MTUS2: variants seen among roughly 807,000 people sequenced by gnomAD.
The protein encoded by MTUS2 is microtubule-associated tumor suppressor candidate 2.
In MTUS2, 40 loss-of-function variants were observed where a neutral mutation model predicts 114.1. That is an observed-to-expected ratio of 0.35 (90% confidence interval 0.27 to 0.46). The LOEUF (loss-of-function observed/expected upper bound fraction) is 0.46. MTUS2 is among the 20% of genes least tolerant of loss of function. MTUS2 has a pLI of 1.00. For synonymous variants in MTUS2, 688 were observed against 672.0 expected, an observed-to-expected ratio of 1.02 and a Z score of -0.37; for missense variants, 1,679 against 1,705.4, an observed-to-expected ratio of 0.98 and a Z score of 0.27.
At chr13:29,466,594 C>T (rs961053784) in intron 9 of MTUS2, among the ~76,000 whole-genome samples, 2 of 152,154 alleles carry the variant, frequency 1.3e-5, no homozygotes. Context: ...GACAATCATA[C>T]GGCCAGGTGT....
At chr13:29,348,529 A>G (rs918412356) in intron 7 of MTUS2, among the ~76,000 whole-genome samples, 3 of 152,002 alleles carry the variant, frequency 2.0e-5, no homozygotes, top group Non-Finnish European at 4.4e-5. Context: ...AACAGTGTCT[A>G]CTCTGCTGTT....
At chr13:29,093,487 A>C (rs1411883605) in intron 4 of MTUS2, among the ~76,000 whole-genome samples, 1 of 152,182 alleles carries the variant, frequency 6.6e-6, no homozygotes, top group Non-Finnish European at 1.5e-5. Flanking sequence ...CGTTTATGAT[A>C]ATTCCTAAGT....
At chr13:29,131,337 A>C (rs1193502434) in intron 5 of MTUS2, among the ~76,000 whole-genome samples, 1 of 152,262 alleles carries the variant, frequency 6.6e-6, no homozygotes, top group African/African-American at 2.4e-5. Context: ...TACTGACTCA[A>C]AAGCTGATTG....
chr13:28,891,794 CT>C (rs1185992917), intron 2 of MTUS2, among the ~76,000 whole-genome samples: 5 of 138,630 alleles, frequency 3.6e-5, no homozygotes, highest in Admixed American at 3.3e-4. Context: ...AGGAGAGTCG[CT>C]TGAACCAGGG....
chr13:29,089,433 G>A (rs1889841237), intron 4 of MTUS2, among the ~76,000 whole-genome samples: 1 of 152,108 alleles, frequency 6.6e-6, no homozygotes, highest in African/African-American at 2.4e-5. Flanking sequence ...TATGTGCTTT[G>A]AGAAAGGTCA....
intron 5 of MTUS2, among the ~76,000 whole-genome samples, chr13:29,160,272 C>G (rs529392873): frequency 3.3e-5 from 5 of 152,328 alleles, no homozygotes; most frequent in African/African-American, 1.2e-4. Context: ...GACTACAATA[C>G]CAACTCTCCT....
chr13:29,299,912 A>G (rs948089802), intron 6 of MTUS2, among the ~76,000 whole-genome samples: 1 of 152,122 alleles, frequency 6.6e-6, no homozygotes, highest in African/African-American at 2.4e-5. Context: ...ATTAGTCTCT[A>G]ATTTTACTGG....
Position 29,094,033 on chromosome 13 carries a change from G to A in MTUS2, c.2447-6740G>A, listed in dbSNP as rs1010301025. ...ATGGATTAATTATGTATGTAAAACC[G>A]ATCTTGCATTCCTAGCATAAATATC... is the stretch of plus-strand genomic sequence containing the variant. On this transcript the variant is annotated intron_variant, in intron 4 of 15. Transcript: ENST00000612955. 3.3e-5 allele frequency among the ~76,000 whole-genome samples: 5 copies of A among 152,022 alleles called. No individual in the cohort carries two copies. The East Asian group carries it at 5.8e-4, about 18-fold the overall frequency.
chr13:29,326,739 G>A (rs1900533317), intron 7 of MTUS2, among the ~76,000 whole-genome samples: 1 of 152,148 alleles, frequency 6.6e-6, no homozygotes, highest in Non-Finnish European at 1.5e-5. Flanking sequence ...CCAGCACTTT[G>A]GGAGGCTGAG....
At chr13:29,350,931 A>G (rs1038844644) in intron 7 of MTUS2, among the ~76,000 whole-genome samples, 2 of 140,614 alleles carry the variant, frequency 1.4e-5, no homozygotes, top group African/African-American at 5.1e-5. Context: ...AGATGTCATC[A>G]CATTAGGAAT....
intron 9 of MTUS2, among the ~76,000 whole-genome samples, chr13:29,452,968 A>T (rs1878837063): frequency 6.6e-6 from 1 of 152,204 alleles, no homozygotes; most frequent in Admixed American, 6.5e-5. Flanking sequence ...TGATCCTGAC[A>T]ACAACAGTAG....
At chr13:29,082,096 G>C (rs1371178321) in intron 4 of MTUS2, among the ~76,000 whole-genome samples, 1 of 152,186 alleles carries the variant, frequency 6.6e-6, no homozygotes, top group African/African-American at 2.4e-5. Flanking sequence ...ATGAGGTCAT[G>C]AGGATGAAGC....
At chr13:28,845,221 G>T (rs1399224108) in intron 2 of MTUS2, among the ~76,000 whole-genome samples, 1 of 152,150 alleles carries the variant, frequency 6.6e-6, no homozygotes, top group Non-Finnish European at 1.5e-5. Context: ...AAGCACTGGG[G>T]TAACAGGCGT....
At position 29,163,921 on chromosome 13, in the gene MTUS2, G is replaced by A. The variant is rs530275339; in HGVS notation, c.2644+62951G>A. ...GAGCCCTGATGCCCTAACAGGGTGCGGACCCCTTTGCTTGACCTTGCTTGC... is the reference window on the plus strand; with the variant it reads ...GAGCCCTGATGCCCTAACAGGGTGCAGACCCCTTTGCTTGACCTTGCTTGC... On this transcript the variant is annotated intron_variant, in intron 5 of 15. Transcript: ENST00000612955. 5.3e-5 allele frequency among the ~76,000 whole-genome samples: 8 copies of A among 152,130 alleles called. No homozygotes were observed. In the South Asian group the frequency reaches 1.2e-3, roughly 24 times the overall value.
chr13:29,290,890 G>A (rs1898683995), intron 6 of MTUS2, among the ~76,000 whole-genome samples: 1 of 152,152 alleles, frequency 6.6e-6, no homozygotes, highest in South Asian at 2.1e-4. Flanking sequence ...GCACAAAGCA[G>A]GCTCTCAACA....
At chr13:29,020,496 A>T (rs934282430) in intron 2 of MTUS2, among the ~76,000 whole-genome samples, 1 of 152,102 alleles carries the variant, frequency 6.6e-6, no homozygotes, top group East Asian at 1.9e-4. Context: ...AGGATGAGGG[A>T]GCTGGAGTGA....
At chr13:29,232,185 G>C (rs1896349778) in intron 5 of MTUS2, among the ~76,000 whole-genome samples, 1 of 152,052 alleles carries the variant, frequency 6.6e-6, no homozygotes, top group Admixed American at 6.6e-5. Context: ...CAGAAATTCA[G>C]ATTTTTGTAG....
chr13:29,483,480 G>A (rs529097643), intron 10 of MTUS2, among the ~76,000 whole-genome samples: 1 of 149,318 alleles, frequency 6.7e-6, no homozygotes, highest in East Asian at 1.9e-4. Flanking sequence ...TTAGAACACC[G>A]CTTCTCAGCC....
chr13:28,886,152 G>A (rs1878580821), intron 2 of MTUS2, among the ~76,000 whole-genome samples: 1 of 152,106 alleles, frequency 6.6e-6, no homozygotes. Flanking sequence ...AGGGATGTAG[G>A]GGCCATACCA....
Sources: gnomAD v4.1 joint callset for allele counts (sites outside exome capture counted in the v4.1 genomes callset) on GRCh38, gnomAD v4.1.1 for gene constraint, MANE v1.5 for transcripts, NCBI Gene and HGNC (gene_info 2026-07-23, HGNC 2026-07-21) for gene names.